VPS13A: variants seen among roughly 807,000 people sequenced by gnomAD.
VPS13A encodes vacuolar protein sorting 13 homolog A.
Under a neutral mutation model 390.9 loss-of-function variants are expected in VPS13A, and 264 were observed. The ratio of observed to expected loss-of-function variants is 0.68; its 90% confidence interval spans 0.61 to 0.75. The LOEUF is 0.75. Among genes scored for constraint, VPS13A ranks in the 30% least tolerant of loss-of-function variants. The pLI is 0.00. For synonymous variants in VPS13A, 1,231 were observed against 1,227.1 expected (o/e 1.00, Z -0.07); for missense variants, 3,409 against 3,733.9 (o/e 0.91, Z 2.27).
At position 77,379,535 on chromosome 9, in the gene VPS13A, C is replaced by T. The variant is rs113838253; in HGVS notation, c.9078-2441C>T. On this transcript the variant is annotated intron_variant, in intron 67 of 71. Transcript: ENST00000360280. ...GATTGCAGGAATGAGCCACCACGCCCGGCCATTTTTGTATTTTTAGTAGAG... is the reference window on the plus strand; with the variant it reads ...GATTGCAGGAATGAGCCACCACGCCTGGCCATTTTTGTATTTTTAGTAGAG... Among the ~76,000 whole-genome samples, 555 of 151,672 alleles carry T rather than the reference C, an allele frequency of 3.7e-3. 3 individuals carry two copies. Among genetic ancestry groups the T allele is most frequent in the African/African-American group, 0.013 (523 of 41,370 alleles).
chr9:77,306,161 A>G (rs192619941), intron 34 of VPS13A, among the ~76,000 whole-genome samples: 458 of 152,328 alleles, frequency 3.0e-3, no homozygotes, highest in Middle Eastern at 0.014. Flanking sequence ...AGTATGTATA[A>G]GGTACACATG....
At chr9:77,333,528 C>G (rs1469173771) in intron 46 of VPS13A, among the ~76,000 whole-genome samples, 3 of 150,142 alleles carry the variant, frequency 2.0e-5, no homozygotes, top group Non-Finnish European at 1.5e-5. Context: ...GAGTCTCCTG[C>G]CTCAGCCTCC....
intron 45 of VPS13A, among the ~76,000 whole-genome samples, chr9:77,325,054 C>G (rs1829935765): frequency 6.6e-6 from 1 of 152,130 alleles, no homozygotes; most frequent in African/African-American, 2.4e-5. Flanking sequence ...TAACAACTAT[C>G]TACACAGAAA....
chr9:77,296,615 T>C (rs547168081), intron 33 of VPS13A, among the ~76,000 whole-genome samples: 1 of 152,294 alleles, frequency 6.6e-6, no homozygotes, highest in Non-Finnish European at 1.5e-5. Context: ...TGATCAATTG[T>C]ATATTTTTAA....
chr9:77,353,397 G>GTTTT lies in VPS13A; in HGVS notation c.7420-11_7420-8dup. 1 of 1,538,158 alleles carries GTTTT rather than the reference G, an allele frequency of 6.5e-7. No individual in the cohort carries two copies. On this transcript the variant is annotated splice_polypyrimidine_tract_variant and intron_variant, in intron 53 of 71. Transcript: ENST00000360280. ...TTTTGGTTTTTTTTTTTTTTTGGTG[G>GTTTT]TTTTATTCTAGGATATGATGATGCC...
In VPS13A at chr9:77,282,192, T is replaced by C. The variant is rs1219346057; in HGVS notation, c.3036T>C (p.Asn1012=). 3 of 1,613,348 alleles carry C rather than the reference T, an allele frequency of 1.9e-6. No homozygotes were observed. The highest frequency in any genetic ancestry group is 4.5e-5 in the East Asian group (2 of 44,794). The change falls in exon 29 of 72, where the codon AAT becomes AAC. Residue 1012 remains asparagine (N), a synonymous_variant. Coordinates refer to ENST00000360280, the MANE Select transcript of VPS13A (RefSeq NM_033305.3). ...TGAATACAATAAATTATCTTCATAA[T>C]ATCCTTCCGCAATCAGAGGAAAAAT... is the stretch of plus-strand genomic sequence containing the variant. ...ALLNTINYLH[N]ILPQSEEKSA...
intron 41 of VPS13A, 66 bp from the exon 42 acceptor site, chr9:77,319,506 G>A: frequency 2.8e-6 from 3 of 1,086,572 alleles, no homozygotes; most frequent in East Asian, 2.5e-5. Flanking sequence ...AGAAATAACA[G>A]GGCTAAAAAA....
chr9:77,411,717 A>C (rs1470329482), intron 71 of VPS13A, among the ~76,000 whole-genome samples: 10 of 151,256 alleles, frequency 6.6e-5, no homozygotes. Context: ...AACACATTCA[A>C]AAGCTAGCAG....
chr9:77,246,664 G>C (rs993979936), intron 19 of VPS13A, among the ~76,000 whole-genome samples: 5 of 152,016 alleles, frequency 3.3e-5, no homozygotes, highest in African/African-American at 1.2e-4. Flanking sequence ...ACTGGACTTA[G>C]GGACATAAAA....
rs752655990 is a variant in VPS13A at position 77,302,911 on chromosome 9, A to C, written c.3813-4A>C. The C allele has an allele frequency of 6.2e-7, 1 of 1,611,526 alleles. No homozygotes were observed. The highest frequency in any genetic ancestry group is 8.5e-7 in the Non-Finnish European group (1 of 1,177,762). ...ATTTAAAAGAATGTTATCTCTACTT[A>C]TAGATCTCGATTTATTAATGATGCA... On this transcript the variant is annotated splice_region_variant and splice_polypyrimidine_tract_variant and intron_variant, in intron 33 of 71. Transcript: ENST00000360280.
chr9:77,263,453 G>A (rs1251237234), intron 23 of VPS13A, among the ~76,000 whole-genome samples: 2 of 152,032 alleles, frequency 1.3e-5, no homozygotes, highest in Admixed American at 6.6e-5. Flanking sequence ...GGCATGAGAT[G>A]GTATCTCATT....
At chr9:77,365,021 A>G (rs748511021) in intron 59 of VPS13A, among the ~76,000 whole-genome samples, 11 of 152,218 alleles carry the variant, frequency 7.2e-5, no homozygotes, top group Non-Finnish European at 1.3e-4. Flanking sequence ...GAAACCACCA[A>G]TCAATTAATG....
intron 7 of VPS13A, among the ~76,000 whole-genome samples, chr9:77,212,404 T>G (rs977509195): frequency 3.9e-5 from 6 of 152,176 alleles, no homozygotes; most frequent in Non-Finnish European, 8.8e-5. Flanking sequence ...ATCAATAATT[T>G]TTAGTTACAT....
At chr9:77,339,372 A>C in intron 47 of VPS13A, 144 bp from the exon 48 acceptor site, 1 of 749,256 alleles carries the variant, frequency 1.3e-6, no homozygotes, top group East Asian at 2.7e-5. Context: ...ACAAAGTTAG[A>C]ACTTGAATGT....
chr9:77,373,854 G>T (rs528689759), intron 67 of VPS13A, among the ~76,000 whole-genome samples: 3 of 152,082 alleles, frequency 2.0e-5, no homozygotes, highest in Non-Finnish European at 4.4e-5. Flanking sequence ...CTCAAAAGAA[G>T]ACATTTATGC....
chr9:77,268,698 G>A (rs767957776), intron 23 of VPS13A, among the ~76,000 whole-genome samples: 2 of 152,124 alleles, frequency 1.3e-5, no homozygotes, highest in Non-Finnish European at 2.9e-5. Flanking sequence ...CCAGCACTTA[G>A]GGAGCCCGAG....
rs554301053 is a variant in VPS13A, at chr9:77,416,264, C to T, written c.*258C>T. ...TTGAATCATGCATCTATTTATAATT[C>T]TAATTATTTTGTAAAAGAAGACAAA... On this transcript the variant is annotated 3_prime_UTR_variant, in exon 72 of 72. Coordinates refer to ENST00000360280, the MANE Select transcript of VPS13A (RefSeq NM_033305.3). 3.0e-4 allele frequency: 116 copies of T among 387,030 alleles called. No individual in the cohort carries two copies. The highest frequency in any genetic ancestry group is 2.1e-3 in the African/African-American group (102 of 48,550). The allele number at this position is 387,030 out of a possible 1,614,324, so 24.0% of individuals were successfully genotyped here. A position where few individuals can be genotyped will look rare whatever the true frequency, so the allele number is the denominator to read the frequency against.
chr9:77,197,563 A>G (rs943837393), intron 1 of VPS13A, among the ~76,000 whole-genome samples: 2 of 152,142 alleles, frequency 1.3e-5, no homozygotes, highest in African/African-American at 2.4e-5. Context: ...TATGTCTAAT[A>G]TTAGTATAGG....
At chr9:77,356,631 A>G in intron 54 of VPS13A, 83 bp from the exon 55 acceptor site, 1 of 1,431,840 alleles carries the variant, frequency 7.0e-7, no homozygotes, top group Non-Finnish European at 9.6e-7. Context: ...TAGTGAAGGT[A>G]TTGTAATTCA....
Sources: gnomAD v4.1 joint callset for allele counts (sites outside exome capture counted in the v4.1 genomes callset) on GRCh38, gnomAD v4.1.1 for gene constraint, MANE v1.5 for transcripts, NCBI Gene and HGNC (gene_info 2026-07-23, HGNC 2026-07-21) for gene names.